Variants in SLC22A16 observed in about 807,000 individuals in gnomAD.
SLC22A16 encodes WUGSC:RG331P03.1.
Under a neutral mutation model 52.9 loss-of-function variants are expected in SLC22A16, and 53 were observed. The observed-to-expected ratio is 1.00, with a 90% CI of 0.80 to 1.26. The LOEUF (loss-of-function observed/expected upper bound fraction) is 1.26, where lower values mean the gene tolerates loss of function less well. Among genes scored for constraint, SLC22A16 ranks in the 50% most tolerant of loss-of-function variants. The pLI, the probability that SLC22A16 is intolerant of heterozygous loss-of-function variation, is 0.00. For missense variants in SLC22A16, 726 were observed against 704.0 expected, an observed-to-expected ratio of 1.03 and a Z score of -0.35; for synonymous variants, 291 against 268.8, an observed-to-expected ratio of 1.08 and a Z score of -0.81.
chr6:110,470,819 A>G (rs568136914), intron 1 of SLC22A16, among the ~76,000 whole-genome samples: 2 of 152,280 alleles, frequency 1.3e-5, no homozygotes, highest in South Asian at 2.1e-4. Context: ...CTACAAGCTT[A>G]AGAAGCTTCT....
rs144387664 is a variant in SLC22A16, at chr6:110,469,418, G to A, written c.53+7104C>T. The stretch of plus-strand genomic sequence containing the variant: ...ATACAAAAATTAGCCAGGCAGTTGC[G>A]GGTGACTGTAGTCCCAGCTACTCAG... On this transcript the variant is annotated intron_variant, in intron 1 of 7. Transcript: ENST00000368919. 3.4e-3 allele frequency among the ~76,000 whole-genome samples: 519 copies of A among 152,182 alleles called. 3 individuals carry two copies. Among genetic ancestry groups the A allele is most frequent in the Admixed American group, 0.015 (237 of 15,292 alleles).
intron 5 of SLC22A16, among the ~76,000 whole-genome samples, chr6:110,436,872 C>T (rs1051764422): frequency 1.3e-5 from 2 of 152,116 alleles, no homozygotes; most frequent in Admixed American, 1.3e-4. Flanking sequence ...AACAAAGACA[C>T]CCTATATTCC....
intron 2 of SLC22A16, 30 bp downstream of exon 2, chr6:110,456,508 G>T: frequency 6.2e-7 from 1 of 1,609,564 alleles, no homozygotes; most frequent in Non-Finnish European, 8.5e-7. Context: ...ACCCTACACT[G>T]ATACAACAAT....
At chr6:110,453,588 C>T (rs1775466488) in intron 2 of SLC22A16, 1 of 455,636 alleles carries the variant, frequency 2.2e-6, no homozygotes, top group Non-Finnish European at 4.4e-6. Flanking sequence ...CCCCAAGTCC[C>T]ACAATGAGTC....
At chr6:110,431,129 C>T in intron 7 of SLC22A16, 42 bp downstream of exon 7, 1 of 1,537,992 alleles carries the variant, frequency 6.5e-7, no homozygotes, top group South Asian at 1.1e-5. Flanking sequence ...TTAGAAACTG[C>T]CTCCGTGCCC....
At chr6:110,430,973 A>G (rs1247737869) in intron 7 of SLC22A16, among the ~76,000 whole-genome samples, 198 bp downstream of exon 7, 1 of 152,212 alleles carries the variant, frequency 6.6e-6, no homozygotes, top group Non-Finnish European at 1.5e-5. Flanking sequence ...CAGTGGTGGA[A>G]GGCCACCAAT....
At chr6:110,455,492 G>A (rs964121427) in intron 2 of SLC22A16, 1 of 152,086 alleles carries the variant, frequency 6.6e-6, no homozygotes, top group African/African-American at 2.4e-5. Flanking sequence ...TCTGATCTAA[G>A]CTATTGTCTT....
intron 4 of SLC22A16, 142 bp from the exon 5 acceptor site, chr6:110,438,989 C>T (rs1264161159): frequency 4.6e-5 from 47 of 1,031,084 alleles, no homozygotes; most frequent in Non-Finnish European, 5.9e-5. Context: ...AGAATTGCTG[C>T]GAGGCAGCCA....
intron 5 of SLC22A16, 107 bp from the exon 6 acceptor site, chr6:110,436,068 TC>T (rs1486251395): frequency 2.0e-5 from 15 of 737,138 alleles, no homozygotes; most frequent in Non-Finnish European, 3.2e-5. Flanking sequence ...CAGTATTTTT[TC>T]AGAACAATGA....
intron 7 of SLC22A16, among the ~76,000 whole-genome samples, chr6:110,429,404 T>C (rs1774406197): frequency 6.6e-6 from 1 of 152,250 alleles, no homozygotes; most frequent in Admixed American, 6.5e-5. Flanking sequence ...GTGTACCTGC[T>C]GTGTGTACAA....
rs148632181 is a variant in SLC22A16, at chr6:110,432,762, C to T, written c.1422-1492G>A. ...GCTAGAATGTAATCTGTTATTCTGCCTGTCTGCTACTGTACATCTGTGCAG... is the reference window on the plus strand; with the variant it reads ...GCTAGAATGTAATCTGTTATTCTGCTTGTCTGCTACTGTACATCTGTGCAG... On this transcript the variant is annotated intron_variant, in intron 6 of 7. Transcript: ENST00000368919. 1.7e-3 allele frequency among the ~76,000 whole-genome samples: 252 copies of T among 152,332 alleles called. 3 individuals carry two copies. Among genetic ancestry groups the T allele is most frequent in the African/African-American group, 5.9e-3 (246 of 41,570 alleles).
intron 7 of SLC22A16, among the ~76,000 whole-genome samples, chr6:110,427,432 A>G (rs1039558515): frequency 4.6e-5 from 7 of 152,138 alleles, no homozygotes; most frequent in Non-Finnish European, 1.0e-4. Flanking sequence ...AAAGAATAGT[A>G]TCTGTCGCAA....
chr6:110,453,843 C>T (rs1482763417), intron 2 of SLC22A16: 4 of 386,902 alleles, frequency 1.0e-5, no homozygotes, highest in Non-Finnish European at 1.5e-5. Context: ...GTACTGGCTT[C>T]TTGCAAGGGC....
intron 1 of SLC22A16, chr6:110,474,824 A>T (rs571684822): frequency 1.8e-4 from 83 of 461,228 alleles, no homozygotes; most frequent in Non-Finnish European, 3.4e-4. Context: ...ATAAACTTCC[A>T]TTTGAGGAAT....
chr6:110,429,882 G>A (rs528061919), intron 7 of SLC22A16, among the ~76,000 whole-genome samples: 1 of 152,188 alleles, frequency 6.6e-6, no homozygotes, highest in Non-Finnish European at 1.5e-5. Context: ...GGGCCGTTTG[G>A]GCAGTGGCAT....
At chr6:110,463,962 G>C (rs1775980013) in intron 1 of SLC22A16, among the ~76,000 whole-genome samples, 1 of 149,778 alleles carries the variant, frequency 6.7e-6, no homozygotes, top group African/African-American at 2.4e-5. Flanking sequence ...GACCACAGAG[G>C]AATAAAATTA....
In SLC22A16 at chr6:110,447,000, A is replaced by G. The variant is rs2114955462; in HGVS notation, c.534-10T>C. On this transcript the variant is annotated splice_polypyrimidine_tract_variant and intron_variant, in intron 2 of 7. Transcript: ENST00000368919. The stretch of plus-strand genomic sequence containing the variant: ...CACCCGGCGTCCTAGCCTGAAAAAT[A>G]AGAGTCACACAGTGGAAGAGGAAAG... The G allele has an allele frequency of 6.2e-7, 1 of 1,607,660 alleles. No individual in the cohort carries two copies. Among genetic ancestry groups the G allele is most frequent in the Non-Finnish European group, 8.5e-7 (1 of 1,176,410 alleles).
chr6:110,442,618 T>A lies in SLC22A16; in HGVS notation c.809A>T (p.Tyr270Phe). The A allele has an allele frequency of 6.2e-7, 1 of 1,614,148 alleles. No homozygotes were observed. The highest frequency in any genetic ancestry group is 8.5e-7 in the Non-Finnish European group (1 of 1,180,030). ...AGTCACTGTGGAGAGGATCATCTGG[T>A]AAAGCCACCAGGTCCTGACCAAGTA... ...TGYLVRTWWL[Y>F]QMILSTVTVP... The change falls in exon 4 of 8, where the codon TAC becomes TTC. Residue 270 changes from tyrosine (Y) to phenylalanine (F), a missense_variant. Coordinates refer to ENST00000368919, the MANE Select transcript of SLC22A16 (RefSeq NM_033125.4).
chr6:110,439,368 G>A (rs1282300746), intron 4 of SLC22A16, among the ~76,000 whole-genome samples: 1 of 152,126 alleles, frequency 6.6e-6, no homozygotes, highest in Non-Finnish European at 1.5e-5. Flanking sequence ...CTAAGCTTCT[G>A]CATCCACACT....
Sources: gnomAD v4.1 joint callset for allele counts (sites outside exome capture counted in the v4.1 genomes callset) on GRCh38, gnomAD v4.1.1 for gene constraint, MANE v1.5 for transcripts, NCBI Gene and HGNC (gene_info 2026-07-23, HGNC 2026-07-21) for gene names.